The following RLF variants were observed in gnomAD, a reference collection of about 807,000 sequenced individuals.
RLF encodes RLF zinc finger, also known as zinc finger protein Rlf.
Under a neutral mutation model 162.9 loss-of-function variants are expected in RLF, and 7 were observed. The ratio of observed to expected loss-of-function variants is 0.04; its 90% confidence interval spans 0.02 to 0.08. The LOEUF is 0.08. Ranked by LOEUF, RLF falls within the 10% of genes least tolerant of loss-of-function variation. The probability of loss-of-function intolerance (pLI) is 1.00; values close to 1 mark genes in which losing one functional copy is unlikely to be tolerated. For missense variants in RLF, 1,664 were observed against 2,244.7 expected (o/e 0.74, Z 5.23); for synonymous variants, 782 against 791.5 (o/e 0.99, Z 0.20).
intron 7 of RLF, 97 bp from the exon 8 acceptor site, chr1:40,235,695 T>C: frequency 2.4e-6 from 2 of 840,962 alleles, no homozygotes; most frequent in Non-Finnish European, 3.6e-6. Flanking sequence ...ATTTAGGAAC[T>C]CTAAAAGTTT....
intron 5 of RLF, among the ~76,000 whole-genome samples, chr1:40,204,881 GATAA>G (rs1194735593): frequency 2.0e-5 from 3 of 152,198 alleles, no homozygotes; most frequent in Non-Finnish European, 4.4e-5. Context: ...GCGCTGAGAA[GATAA>G]ATAAGAGAAT....
Position 40,195,825 on chromosome 1 carries a change from G to A in RLF, c.607+61G>A, listed in dbSNP as rs567751134. Reference sequence around the variant, plus strand: ...TCTGAGAACGTTGGAATTGATTATGGGTTAAAATTTTGGGAATTTAACTTG... The same window carrying A: ...TCTGAGAACGTTGGAATTGATTATGAGTTAAAATTTTGGGAATTTAACTTG... On this transcript the variant is annotated intron_variant, in intron 4 of 7. Transcript: ENST00000372771. 3.8e-5 allele frequency: 57 copies of A among 1,506,868 alleles called. No individual in the cohort carries two copies. In the East Asian group the frequency reaches 1.3e-3, roughly 35 times the overall value. The allele number at this position is 1,506,868 out of a possible 1,614,324, so 93.3% of individuals were successfully genotyped here.
chr1:40,187,637 A>G (rs1450509229), intron 1 of RLF, among the ~76,000 whole-genome samples: 2 of 152,208 alleles, frequency 1.3e-5, no homozygotes, highest in Non-Finnish European at 2.9e-5. Context: ...ATAATGCAAT[A>G]TATTAGTTAA....
chr1:40,209,891 A>G (rs1642845110), intron 5 of RLF, among the ~76,000 whole-genome samples: 1 of 152,094 alleles, frequency 6.6e-6, no homozygotes, highest in African/African-American at 2.4e-5. Context: ...AAAAAAAAAA[A>G]AAGGCGATCA....
chr1:40,165,413 C>CT (rs1432101184), intron 1 of RLF, among the ~76,000 whole-genome samples: 1 of 152,198 alleles, frequency 6.6e-6, no homozygotes, highest in African/African-American at 2.4e-5. Flanking sequence ...AACGTATTAA[C>CT]TACGTTAACG....
Position 40,239,162 on chromosome 1 carries a change from T to G in RLF, c.4460T>G (p.Leu1487Arg). 6.2e-7 allele frequency: 1 copy of G among 1,614,112 alleles called. No individual in the cohort carries two copies. The highest frequency in any genetic ancestry group is 8.5e-7 in the Non-Finnish European group (1 of 1,180,022). The change falls in exon 8 of 8, where the codon CTA (leucine) becomes CGA (arginine). Residue 1487 changes from leucine to arginine, a missense_variant. By Grantham distance (102) the Leu-to-Arg change is moderately radical. Around this residue, in one of 15 missense-constraint regions of RLF, gnomAD observed 200 missense variants for 207.3 expected, o/e 0.96. Transcript: ENST00000372771. ...FRSQKVANER[L>R]LRSEKVCQTA... ...AGCCAGAAAGTAGCAAATGAGAGAC[T>G]ACTAAGGAGTGAAAAGGTATGTCAA... is the stretch of plus-strand genomic sequence containing the variant.
At chr1:40,195,847 CTT>C in intron 4 of RLF, 83 bp downstream of exon 4, 1 of 1,259,912 alleles carries the variant, frequency 7.9e-7, no homozygotes, top group East Asian at 2.4e-5. Flanking sequence ...GGGAATTTAA[CTT>C]GTGTATATAT....
At chr1:40,229,940 C>T (rs1329165732) in intron 6 of RLF, among the ~76,000 whole-genome samples, 3 of 151,672 alleles carry the variant, frequency 2.0e-5, no homozygotes, top group Non-Finnish European at 4.4e-5. Context: ...CATGGAGAAA[C>T]CCCATCTCTA....
Position 40,238,015 on chromosome 1 carries a change from C to T in RLF, c.3313C>T (p.Leu1105Phe). 2 of 1,614,070 alleles carry T rather than the reference C, an allele frequency of 1.2e-6. No homozygotes were observed. Among genetic ancestry groups the T allele is most frequent in the Non-Finnish European group, 1.7e-6 (2 of 1,180,004 alleles). The change falls in exon 8 of 8, where the codon CTT becomes TTT. Residue 1105 changes from leucine (L) to phenylalanine (F), a missense_variant. Leu to Phe is a conservative substitution (Grantham distance 22). Coordinates refer to ENST00000372771, the MANE Select transcript of RLF (RefSeq NM_012421.4). The surrounding 1 kb of genome is among the most constrained non-coding windows in gnomAD (Gnocchi z 5.2). ...SLQSVSSISD[L>F]NFQNQDENMP... Reference sequence around the variant, plus strand: ...TCAGTCAGTTTCATCTATCTCAGACCTTAATTTTCAGAATCAAGATGAAAA... The same window carrying T: ...TCAGTCAGTTTCATCTATCTCAGACTTTAATTTTCAGAATCAAGATGAAAA...
rs1008292161 is a variant in RLF at position 40,211,238 on chromosome 1, C to G, written c.810+8624C>G. Among the ~76,000 whole-genome samples, 145 of 152,126 alleles carry G rather than the reference C, an allele frequency of 9.5e-4. 2 individuals are homozygous for G. The highest frequency in any genetic ancestry group is 1.2e-3 in the East Asian group (6 of 5,166). On this transcript the variant is annotated intron_variant, in intron 5 of 7. Transcript: ENST00000372771. The stretch of plus-strand genomic sequence containing the variant: ...TTTCAGTGGTTTAATATCGGTTGGT[C>G]TAACCCTCCGTGTTCTACACGTGAT...
At chr1:40,181,539 G>A (rs968707949) in intron 1 of RLF, among the ~76,000 whole-genome samples, 1 of 152,100 alleles carries the variant, frequency 6.6e-6, no homozygotes, top group African/African-American at 2.4e-5. Context: ...TTTATTTCTT[G>A]GCTTTCTGTT....
intron 7 of RLF, among the ~76,000 whole-genome samples, 192 bp downstream of exon 7, chr1:40,231,850 A>C (rs765763983): frequency 6.6e-6 from 1 of 152,210 alleles, no homozygotes; most frequent in African/African-American, 2.4e-5. Flanking sequence ...TTGATGGTCA[A>C]ACAAGTTAGG....
In RLF at chr1:40,239,909, A is replaced by G. The variant is rs1487404053; in HGVS notation, c.5207A>G (p.Glu1736Gly). ...SETRQHSSGQ[E>G]NTVKNPTHVP... ...ACTAGGCAGCATAGTTCAGGGCAAG[A>G]AAACACTGTAAAAAATCCAACCCAT... The change falls in exon 8 of 8, where the codon GAA becomes GGA. Residue 1736 changes from glutamate (E) to glycine (G), a missense_variant. Coordinates refer to ENST00000372771, the MANE Select transcript of RLF (RefSeq NM_012421.4). 1 of 1,613,590 alleles carries G rather than the reference A, an allele frequency of 6.2e-7. No homozygotes were observed. Among genetic ancestry groups the G allele is most frequent in the East Asian group, 2.2e-5 (1 of 44,902 alleles).
Position 40,175,415 on chromosome 1 carries a change from C to A in RLF, c.238-13640C>A, listed in dbSNP as rs368626546. On this transcript the variant is annotated intron_variant, in intron 1 of 7. Transcript: ENST00000372771. ...TCTGTAATCCCAGCACTTTGGGAGG[C>A]CTAGGCAGGCGGATCATGAGGTCAG... 8.5e-5 allele frequency among the ~76,000 whole-genome samples: 13 copies of A among 152,166 alleles called. 1 individual carries two copies. Among genetic ancestry groups the A allele is most frequent in the East Asian group, 3.9e-4 (2 of 5,184 alleles).
intron 6 of RLF, among the ~76,000 whole-genome samples, chr1:40,230,054 C>T (rs1292707657): frequency 6.6e-6 from 1 of 150,474 alleles, no homozygotes; most frequent in Non-Finnish European, 1.5e-5. Flanking sequence ...GTGGAGGTTG[C>T]GGTGAGCCAA....
chr1:40,239,103 C>T lies in RLF; in HGVS notation c.4401C>T (p.Tyr1467=). The change falls in exon 8 of 8, where the codon TAC becomes TAT. Residue 1467 remains tyrosine (Y), a synonymous_variant. Transcript: ENST00000372771. ...GTAATTACTCACAACATGTATATTA[C>T]CGACATAAAGACTATTATGATGATT... The part of the protein sequence containing the change: ...HRSNYSQHVY[Y]RHKDYYDDLF... 1 of 1,614,076 alleles carries T rather than the reference C, an allele frequency of 6.2e-7. No homozygotes were observed. Among genetic ancestry groups the T allele is most frequent in the Non-Finnish European group, 8.5e-7 (1 of 1,180,016 alleles).
chr1:40,169,045 TC>T (rs1298163279), intron 1 of RLF, among the ~76,000 whole-genome samples: 1 of 152,188 alleles, frequency 6.6e-6, no homozygotes, highest in Admixed American at 6.5e-5. Flanking sequence ...ATAATAAAAC[TC>T]ATTGCTGTCA....
At chr1:40,221,899 CA>C (rs895455745) in intron 5 of RLF, among the ~76,000 whole-genome samples, 3,530 of 64,972 alleles carry the variant, frequency 0.054, 49 homozygotes, top group Non-Finnish European at 0.075. Flanking sequence ...GACTCCGTCT[CA>C]AAAAAAAAAA....
intron 1 of RLF, among the ~76,000 whole-genome samples, chr1:40,183,140 A>G (rs1642429063): frequency 6.6e-6 from 1 of 151,652 alleles, no homozygotes; most frequent in Admixed American, 6.6e-5. Flanking sequence ...TGTTCCCCTC[A>G]CTTTTGCTCG....
Sources: allele counts gnomAD v4.1 joint callset (sites outside exome capture counted in the v4.1 genomes callset), GRCh38; gene constraint gnomAD v4.1.1; regional missense constraint gnomAD v4.1.1; non-coding constraint Gnocchi (gnomAD v3.1); transcripts MANE v1.5; gene names NCBI Gene and HGNC (gene_info 2026-07-23, HGNC 2026-07-21).